Variants in STPG4 observed in about 807,000 individuals in gnomAD.
The protein encoded by STPG4 is sperm-tail PG-rich repeat containing 4, also known as protein STPG4.
STPG4 carries 41 observed loss-of-function variants against 31.5 expected under a neutral mutation model. That is an observed-to-expected ratio of 1.30 (90% CI 1.01 to 1.69). STPG4 has a LOEUF of 1.69. Ranked by LOEUF, STPG4 falls within the 40% of genes most tolerant of loss-of-function variation. The probability of loss-of-function intolerance (pLI) is 0.00; values close to 1 mark genes in which losing one functional copy is unlikely to be tolerated. For synonymous variants in STPG4, 141 were observed against 103.0 expected (o/e 1.37, Z -2.24); for missense variants, 375 against 293.4 (o/e 1.28, Z -2.03).
chr2:47,101,788 C>A (rs116491079), intron 5 of STPG4, among the ~76,000 whole-genome samples: 8,303 of 151,760 alleles, frequency 0.055, 406 homozygotes, highest in African/African-American at 0.11. Context: ...TATTCATGAG[C>A]AAAGGTGTCA....
At chr2:47,087,361 A>C (rs1047417528) in intron 6 of STPG4, among the ~76,000 whole-genome samples, 5 of 152,256 alleles carry the variant, frequency 3.3e-5, no homozygotes, top group African/African-American at 7.2e-5. Flanking sequence ...CTAACAGGCC[A>C]GGCCAAGCCA....
chr2:47,112,810 C>G (rs766524417), intron 5 of STPG4, among the ~76,000 whole-genome samples: 1 of 151,764 alleles, frequency 6.6e-6, no homozygotes, highest in Non-Finnish European at 1.5e-5. Flanking sequence ...AAGTACCAGC[C>G]TGGGCAACAT....
chr2:47,105,233 T>C (rs777787829), intron 5 of STPG4, among the ~76,000 whole-genome samples: 1 of 151,876 alleles, frequency 6.6e-6, no homozygotes, highest in Admixed American at 6.6e-5. Context: ...CCACAACCGG[T>C]GGCATACCTA....
chr2:47,089,090 T>A (rs1256809627), intron 6 of STPG4, among the ~76,000 whole-genome samples: 2 of 152,186 alleles, frequency 1.3e-5, no homozygotes, highest in East Asian at 3.8e-4. Context: ...CACCAATCAG[T>A]GCTCCAGTCA....
intron 3 of STPG4, among the ~76,000 whole-genome samples, chr2:47,131,022 C>T (rs1336479032): frequency 6.6e-6 from 1 of 151,956 alleles, no homozygotes. Context: ...CTATGTTGCC[C>T]GGGCTGGTCT....
At chr2:47,148,271 C>T (rs74829017) in intron 3 of STPG4, among the ~76,000 whole-genome samples, 1 of 152,062 alleles carries the variant, frequency 6.6e-6, no homozygotes, top group East Asian at 1.9e-4. Flanking sequence ...CCTAATAAGA[C>T]TGTTCAGTAC....
chr2:47,117,546 T>A (rs1407967920), intron 5 of STPG4, among the ~76,000 whole-genome samples: 1 of 152,088 alleles, frequency 6.6e-6, no homozygotes, highest in Non-Finnish European at 1.5e-5. Flanking sequence ...AGTGTCTAAT[T>A]TGGGGCGCCA....
At chr2:47,095,802 G>T (rs917059063) in intron 5 of STPG4, among the ~76,000 whole-genome samples, 5 of 152,150 alleles carry the variant, frequency 3.3e-5, no homozygotes, top group African/African-American at 1.2e-4. Flanking sequence ...AGGTGTGGCT[G>T]CAGGACTAAT....
chr2:47,150,856 T>C (rs1686920937), intron 3 of STPG4, among the ~76,000 whole-genome samples: 1 of 152,080 alleles, frequency 6.6e-6, no homozygotes, highest in Non-Finnish European at 1.5e-5. Flanking sequence ...CTGTGGTATG[T>C]AGTTATATTT....
intron 5 of STPG4, among the ~76,000 whole-genome samples, chr2:47,092,799 GT>G (rs34105765): frequency 0.43 from 64,205 of 148,560 alleles, 14,086 homozygotes; most frequent in African/African-American, 0.56. Flanking sequence ...CCACGGTTCT[GT>G]TTTTTTTTTT....
At chr2:47,091,177 A>C in intron 5 of STPG4, among the ~76,000 whole-genome samples, 1 of 151,898 alleles carries the variant, frequency 6.6e-6, no homozygotes. Context: ...AGGGAGGGGA[A>C]GGAAGGAGAG....
chr2:47,098,401 C>A (rs116085709), intron 5 of STPG4, among the ~76,000 whole-genome samples: 4 of 152,150 alleles, frequency 2.6e-5, no homozygotes, highest in Admixed American at 1.3e-4. Context: ...TGAGGCTCAG[C>A]GGGGTTAGAA....
chr2:47,123,457 G>T (rs1201901206), intron 5 of STPG4, among the ~76,000 whole-genome samples: 1 of 152,154 alleles, frequency 6.6e-6, no homozygotes, highest in Non-Finnish European at 1.5e-5. Flanking sequence ...TAGTGAGGGG[G>T]AAAGATAAAA....
chr2:47,091,294 A>T (rs1685565136), intron 5 of STPG4, among the ~76,000 whole-genome samples: 1 of 152,246 alleles, frequency 6.6e-6, no homozygotes, highest in Admixed American at 6.5e-5. Flanking sequence ...CTGGCAAGAT[A>T]TGAAACAGCT....
At chr2:47,114,824 G>A (rs1686113287) in intron 5 of STPG4, among the ~76,000 whole-genome samples, 1 of 151,952 alleles carries the variant, frequency 6.6e-6, no homozygotes, top group African/African-American at 2.4e-5. Flanking sequence ...CTGGAGTGCA[G>A]TGGTACGATC....
chr2:47,129,417 A>T (rs1686428097), intron 5 of STPG4: 1 of 154,474 alleles, frequency 6.5e-6, no homozygotes, highest in Non-Finnish European at 1.4e-5. Context: ...ACCTCAGAGC[A>T]CTTCAGCCCA....
At chr2:47,128,563 A>G (rs1027130785) in intron 5 of STPG4, among the ~76,000 whole-genome samples, 2 of 152,080 alleles carry the variant, frequency 1.3e-5, no homozygotes, top group Non-Finnish European at 2.9e-5. Context: ...AAGCAGAAAG[A>G]ATCTCTCTAT....
At chr2:47,095,013 G>A (rs943954017) in intron 5 of STPG4, among the ~76,000 whole-genome samples, 3 of 152,196 alleles carry the variant, frequency 2.0e-5, no homozygotes, top group Non-Finnish European at 2.9e-5. Flanking sequence ...GGGCAGCCCA[G>A]GGCAGCCAAA....
At chr2:47,132,616 T>C (rs1465125440) in intron 3 of STPG4, among the ~76,000 whole-genome samples, 1 of 152,222 alleles carries the variant, frequency 6.6e-6, no homozygotes, top group Non-Finnish European at 1.5e-5. Context: ...AAGGTATTCT[T>C]GTGTCATTCT....
Sources: gnomAD v4.1 joint callset for allele counts (sites outside exome capture counted in the v4.1 genomes callset) on GRCh38, gnomAD v4.1.1 for gene constraint, MANE v1.5 for transcripts, NCBI Gene and HGNC (gene_info 2026-07-23, HGNC 2026-07-21) for gene names.